Variants in NCOA2 observed in about 807,000 individuals in gnomAD.
NCOA2 encodes nuclear receptor coactivator 2, also known as class E basic helix-loop-helix protein 75.
Under a neutral mutation model 145.1 loss-of-function variants are expected in NCOA2, and 21 were observed. The observed-to-expected ratio is 0.14, with a 90% CI of 0.10 to 0.21. The LOEUF (loss-of-function observed/expected upper bound fraction) is 0.21. Ranked by LOEUF, NCOA2 falls within the 10% of genes least tolerant of loss-of-function variation. The probability of loss-of-function intolerance (pLI) is 1.00; values close to 1 mark genes in which losing one functional copy is unlikely to be tolerated. For synonymous variants in NCOA2, 619 were observed against 637.5 expected (o/e 0.97, Z 0.44); for missense variants, 1,472 against 1,837.6 (o/e 0.80, Z 3.64).
chr8:70,306,830 G>A (rs533125397), intron 1 of NCOA2, among the ~76,000 whole-genome samples: 1 of 152,330 alleles, frequency 6.6e-6, no homozygotes, highest in African/African-American at 2.4e-5. Context: ...AGTGAGCTAT[G>A]TTTGTGCCAT....
At chr8:70,414,691 T>C in the NCOA2 span, among the ~76,000 whole-genome samples, 1 of 152,142 alleles carries the variant, frequency 6.6e-6, no homozygotes, top group Non-Finnish European at 1.5e-5. Flanking sequence ...TCCTCGAAAA[T>C]CTGGTTTCTA....
chr8:70,389,820 C>CA (rs1287770463), intron 1 of NCOA2, among the ~76,000 whole-genome samples: 5 of 151,970 alleles, frequency 3.3e-5, no homozygotes, highest in African/African-American at 1.2e-4. Context: ...AGGTGCCCAC[C>CA]GCACCCAGCT....
chr8:70,248,382 A>T (rs1213108387), intron 2 of NCOA2, among the ~76,000 whole-genome samples: 1 of 152,150 alleles, frequency 6.6e-6, no homozygotes, highest in Non-Finnish European at 1.5e-5. Flanking sequence ...CAAACTCCAC[A>T]TCTCCTCATC....
At chr8:70,447,310 C>A in the NCOA2 span, among the ~76,000 whole-genome samples, 2 of 151,996 alleles carry the variant, frequency 1.3e-5, no homozygotes, top group Non-Finnish European at 2.9e-5. Flanking sequence ...TGGATTGGGG[C>A]GAAAAAGCAC....
intron 15 of NCOA2, among the ~76,000 whole-genome samples, chr8:70,134,107 G>A (rs1809472289): frequency 6.6e-6 from 1 of 152,144 alleles, no homozygotes; most frequent in Non-Finnish European, 1.5e-5. Flanking sequence ...CTGGGAGCTT[G>A]CTGGCTCCTT....
chr8:70,403,504 C>A (rs1206517773), intron 1 of NCOA2, among the ~76,000 whole-genome samples, 196 bp downstream of exon 1: 1 of 149,934 alleles, frequency 6.7e-6, no homozygotes, highest in African/African-American at 2.4e-5. Context: ...CGTCGCTGCG[C>A]CTCCGGGATG....
intron 1 of NCOA2, among the ~76,000 whole-genome samples, chr8:70,377,920 T>C (rs1811822964): frequency 6.6e-6 from 1 of 152,222 alleles, no homozygotes; most frequent in Non-Finnish European, 1.5e-5. Flanking sequence ...TACTCCAGTC[T>C]TTAACAATGA....
At chr8:70,310,920 A>G (rs1805057797) in intron 1 of NCOA2, among the ~76,000 whole-genome samples, 1 of 152,232 alleles carries the variant, frequency 6.6e-6, no homozygotes, top group Admixed American at 6.5e-5. Flanking sequence ...ACAAATAGAG[A>G]AAATTATTCT....
At chr8:70,360,468 G>A (rs1043885612) in intron 1 of NCOA2, among the ~76,000 whole-genome samples, 1 of 152,014 alleles carries the variant, frequency 6.6e-6, no homozygotes, top group African/African-American at 2.4e-5. Flanking sequence ...ATATTTAAAG[G>A]GTAGTTAATT....
chr8:70,194,393 T>C (rs1817035283), intron 4 of NCOA2, among the ~76,000 whole-genome samples: 1 of 152,196 alleles, frequency 6.6e-6, no homozygotes. Flanking sequence ...AGTGACTATC[T>C]GCAAAGTCTG....
chr8:70,243,793 A>AAAG (rs1822370804), intron 2 of NCOA2, among the ~76,000 whole-genome samples: 1 of 142,548 alleles, frequency 7.0e-6, no homozygotes, highest in South Asian at 2.1e-4. Context: ...AAAAAATGGA[A>AAAG]AAAAAAAAAA....
chr8:70,212,039 A>T (rs1422654818), intron 4 of NCOA2, among the ~76,000 whole-genome samples: 1 of 150,124 alleles, frequency 6.7e-6, no homozygotes, highest in Non-Finnish European at 1.5e-5. Flanking sequence ...AAACTTTAAA[A>T]ACTTGTGCAA....
chr8:70,194,129 G>C (rs1160971675), intron 4 of NCOA2, among the ~76,000 whole-genome samples: 1 of 152,046 alleles, frequency 6.6e-6, no homozygotes, highest in East Asian at 1.9e-4. Flanking sequence ...TGTTGAATTG[G>C]GGTTTCCTTT....
rs747862440 is a variant in NCOA2, at chr8:70,131,999, C to A, written c.3162G>T (p.Gln1054His). The stretch of plus-strand genomic sequence containing the variant: ...AGTCATCTGGAGAACTGCCAAATGG[C>A]TGCCTGTAAAGACAGAAATGTCACC... ...DQASFASQNR[Q>H]PFGSSPDDLL... The change falls in exon 16 of 23, where the codon CAG becomes CAT. Residue 1054 changes from glutamine to histidine, a missense_variant. Gln to His is a conservative substitution (Grantham distance 24). Around this residue, in one of 4 missense-constraint regions of NCOA2, gnomAD observed 953 missense variants for 1,062.1 expected, o/e 0.90. Coordinates refer to ENST00000452400, the MANE Select transcript of NCOA2 (RefSeq NM_006540.4). 1.2e-5 allele frequency: 19 copies of A among 1,611,424 alleles called. No homozygotes were observed. Among genetic ancestry groups the A allele is most frequent in the Non-Finnish European group, 1.3e-5 (15 of 1,178,938 alleles).
chr8:70,286,139 A>G (rs569353277), intron 2 of NCOA2, among the ~76,000 whole-genome samples: 2 of 152,272 alleles, frequency 1.3e-5, no homozygotes, highest in East Asian at 3.9e-4. Context: ...CAGGCTGTGT[A>G]CAGTGGCTCA....
chr8:70,370,135 T>C (rs1404470309), intron 1 of NCOA2, among the ~76,000 whole-genome samples: 1 of 152,100 alleles, frequency 6.6e-6, no homozygotes, highest in African/African-American at 2.4e-5. Flanking sequence ...TCCACCTGCC[T>C]CAGTCACCCA....
rs111361707 is a variant in NCOA2 at position 70,136,391 on chromosome 8, A to C, written c.3158+1812T>G. Among the ~76,000 whole-genome samples the C allele has an allele frequency of 3.1e-3, 468 of 152,260 alleles. 5 individuals carry two copies. Among genetic ancestry groups the C allele is most frequent in the African/African-American group, 0.011 (455 of 41,544 alleles). ...CAAAAAAACCAAACAAAAATCCACC[A>C]AATTGTGAACTTAATGCAAAAGGAA... On this transcript the variant is annotated intron_variant, in intron 15 of 22. Transcript: ENST00000452400.
At chr8:70,270,728 G>A (rs1044076181) in intron 2 of NCOA2, among the ~76,000 whole-genome samples, 3 of 152,108 alleles carry the variant, frequency 2.0e-5, no homozygotes, top group Non-Finnish European at 4.4e-5. Context: ...ACAACAACCA[G>A]ATTGAAATTA....
intron 1 of NCOA2, among the ~76,000 whole-genome samples, chr8:70,332,863 G>A (rs1807231194): frequency 6.6e-6 from 1 of 152,124 alleles, no homozygotes; most frequent in African/African-American, 2.4e-5. Flanking sequence ...AAGCACTGAA[G>A]TCATCCCACA....
Sources: allele counts gnomAD v4.1 joint callset (sites outside exome capture counted in the v4.1 genomes callset), GRCh38; gene constraint gnomAD v4.1.1; regional missense constraint gnomAD v4.1.1; transcripts MANE v1.5; gene names NCBI Gene and HGNC (gene_info 2026-07-23, HGNC 2026-07-21).